The following NFAM1 variants were observed in gnomAD, a reference collection of about 807,000 sequenced individuals.
The protein encoded by NFAM1 is NFAT activation molecule 1.
NFAM1 carries 17 observed loss-of-function variants against 29.0 expected under a neutral mutation model. That is an observed-to-expected ratio of 0.59 (90% CI 0.40 to 0.88). The LOEUF (loss-of-function observed/expected upper bound fraction) is 0.88. Among genes scored for constraint, NFAM1 ranks in the 40% least tolerant of loss-of-function variants. The probability of loss-of-function intolerance (pLI) is 0.00; values close to 1 mark genes in which losing one functional copy is unlikely to be tolerated. For missense variants in NFAM1, 324 were observed against 344.6 expected, an observed-to-expected ratio of 0.94 and a Z score of 0.47; for synonymous variants, 175 against 147.2, an observed-to-expected ratio of 1.19 and a Z score of -1.36.
chr22:42,396,094 G>C (rs1929516586), intron 4 of NFAM1, among the ~76,000 whole-genome samples: 1 of 152,094 alleles, frequency 6.6e-6, no homozygotes, highest in Admixed American at 6.6e-5. Context: ...CCCAATCCCA[G>C]TTGGTAGACC....
At chr22:42,432,510 C>T (rs1204418720), upstream of NFAM1, 7 of 1,111,576 alleles carry the variant, frequency 6.3e-6, no homozygotes, top group African/African-American at 1.6e-5. Flanking sequence ...GCAGGGTGGC[C>T]GCCAGATGAG....
chr22:42,425,462 C>A (rs1013678374), intron 1 of NFAM1, among the ~76,000 whole-genome samples: 1 of 152,176 alleles, frequency 6.6e-6, no homozygotes, highest in Non-Finnish European at 1.5e-5. Flanking sequence ...CAAGATCCCT[C>A]GCCCTCCAGG....
intron 1 of NFAM1, among the ~76,000 whole-genome samples, chr22:42,416,238 A>G (rs1023097778): frequency 1.3e-5 from 2 of 152,194 alleles, no homozygotes; most frequent in Non-Finnish European, 2.9e-5. Flanking sequence ...CAGGAAGTCG[A>G]AGCAGGAGGA....
intron 1 of NFAM1, among the ~76,000 whole-genome samples, chr22:42,427,244 C>T (rs912888758): frequency 6.6e-6 from 1 of 152,182 alleles, no homozygotes; most frequent in Non-Finnish European, 1.5e-5. Context: ...ATCCTGCCTC[C>T]GGGTCCACAT....
At chr22:42,436,598 G>A (rs1272110860), upstream of NFAM1, among the ~76,000 whole-genome samples, 4 of 152,226 alleles carry the variant, frequency 2.6e-5, no homozygotes, top group Admixed American at 2.6e-4. Flanking sequence ...TGGAAGCCTG[G>A]CCTGGCTTGT....
rs1027490485 is a variant in NFAM1 at position 42,382,064 on chromosome 22, G to C, written c.*3097C>G. 6.6e-6 allele frequency: 1 copy of C among 152,296 alleles called. No individual in the cohort carries two copies. 9.4% of individuals were successfully genotyped at this position (152,296 alleles called of 1,614,324 possible). ...CTGAGACACTGAGTAGTGTTTGTTT[G>C]TTTGTTTATTTGGACAGAGCGTGCT... On this transcript the variant is annotated 3_prime_UTR_variant, in exon 6 of 6. Transcript: ENST00000329021.
chr22:42,424,210 T>C (rs1309425759), intron 1 of NFAM1, among the ~76,000 whole-genome samples: 1 of 151,914 alleles, frequency 6.6e-6, no homozygotes, highest in Non-Finnish European at 1.5e-5. Flanking sequence ...CGTCAGGAGA[T>C]TGAGACCATC....
chr22:42,424,355 C>A (rs533866476), intron 1 of NFAM1, among the ~76,000 whole-genome samples: 1 of 151,680 alleles, frequency 6.6e-6, no homozygotes, highest in African/African-American at 2.4e-5. Flanking sequence ...GCAGAGCTTG[C>A]GATGAACCGA....
chr22:42,413,234 A>G (rs1022417971), intron 1 of NFAM1, among the ~76,000 whole-genome samples: 1 of 152,144 alleles, frequency 6.6e-6, no homozygotes, highest in Non-Finnish European at 1.5e-5. Context: ...AGGAGCCGCA[A>G]GATTTATTTT....
At chr22:42,411,782 CCT>C (rs754893551) in intron 1 of NFAM1, 46 bp from the exon 2 acceptor site, 1 of 1,379,156 alleles carries the variant, frequency 7.3e-7, no homozygotes, top group South Asian at 1.2e-5. Flanking sequence ...CTTGAGGCTG[CCT>C]CAGTCCCACC....
At chr22:42,404,793 G>A (rs1929838105) in intron 3 of NFAM1, among the ~76,000 whole-genome samples, 1 of 149,354 alleles carries the variant, frequency 6.7e-6, no homozygotes, top group Non-Finnish European at 1.5e-5. Flanking sequence ...AGGCGGAGGT[G>A]CAGTGAGTCA....
chr22:42,409,326 T>G lies in NFAM1; in HGVS notation c.564+109A>C. On this transcript the variant is annotated intron_variant, in intron 3 of 5. Transcript: ENST00000329021. The surrounding 1 kb of genome is among the most constrained non-coding windows in gnomAD (Gnocchi z 4.9). The stretch of plus-strand genomic sequence containing the variant: ...GGCCACGAGGGCCACCTGTTACAGA[T>G]GTGGATGTGCCCTCACCAGGGCCCA... The G allele has an allele frequency of 1.9e-6, 1 of 527,138 alleles. No homozygotes were observed. Among genetic ancestry groups the G allele is most frequent in the Non-Finnish European group, 3.4e-6 (1 of 295,928 alleles). 32.7% of individuals were successfully genotyped at this position (527,138 alleles called of 1,614,324 possible).
chr22:42,385,393 C>A (rs1326776282), intron 5 of NFAM1, among the ~76,000 whole-genome samples, 173 bp from the exon 6 acceptor site: 1 of 151,908 alleles, frequency 6.6e-6, no homozygotes, highest in Non-Finnish European at 1.5e-5. Flanking sequence ...CTTCCCCCAC[C>A]ATGCTGCCCC....
intron 3 of NFAM1, among the ~76,000 whole-genome samples, chr22:42,400,033 T>A (rs1929675131): frequency 1.3e-5 from 2 of 152,190 alleles, no homozygotes; most frequent in Admixed American, 1.3e-4. Context: ...CTCTCTGTTC[T>A]GTACATGAGG....
rs956997690 is a variant in NFAM1 at position 42,419,208 on chromosome 22, G to A, written c.122-7472C>T. The stretch of plus-strand genomic sequence containing the variant: ...CAGACCTGCCCACCACCTGCACAAC[G>A]CCCCCATCCCTCCAACTCAACAGCT... On this transcript the variant is annotated intron_variant, in intron 1 of 5. Transcript: ENST00000329021. This position sits in a 1 kb window ranked among gnomAD's most constrained non-coding sequence, Gnocchi z 4.5. Among the ~76,000 whole-genome samples, 3 of 151,704 alleles carry A rather than the reference G, an allele frequency of 2.0e-5. No homozygotes were observed. The highest frequency in any genetic ancestry group is 7.3e-5 in the African/African-American group (3 of 41,302).
At chr22:42,405,945 G>GA (rs1338364258) in intron 3 of NFAM1, among the ~76,000 whole-genome samples, 1 of 152,154 alleles carries the variant, frequency 6.6e-6, no homozygotes, top group Non-Finnish European at 1.5e-5. Flanking sequence ...GCTCCCGGGG[G>GA]TGAAAGGCGC....
At chr22:42,385,807 G>A (rs552875451) in intron 5 of NFAM1, among the ~76,000 whole-genome samples, 20 of 152,278 alleles carry the variant, frequency 1.3e-4, no homozygotes, top group African/African-American at 4.6e-4. Flanking sequence ...GTCTAGTTGA[G>A]GGCTGAGTAT....
rs1930362560 is a variant in NFAM1 at position 42,419,436 on chromosome 22, G to A, written c.122-7700C>T. On this transcript the variant is annotated intron_variant, in intron 1 of 5. Coordinates refer to ENST00000329021, the MANE Select transcript of NFAM1 (RefSeq NM_145912.8). The surrounding 1 kb of genome is among the most constrained non-coding windows in gnomAD (Gnocchi z 4.5). ...TAGAACATGAAGCATTTCATGCGTAGTAAGGGCACTGTTTGCGACCTTCTA... is the reference window on the plus strand; with the variant it reads ...TAGAACATGAAGCATTTCATGCGTAATAAGGGCACTGTTTGCGACCTTCTA... 6.6e-6 allele frequency among the ~76,000 whole-genome samples: 1 copy of A among 152,202 alleles called. No individual in the cohort carries two copies. The highest frequency in any genetic ancestry group is 2.4e-5 in the African/African-American group (1 of 41,452).
chr22:42,402,593 C>T lies in NFAM1; in HGVS notation c.565-4637G>A, dbSNP rs145157080. Among the ~76,000 whole-genome samples, 20 of 152,210 alleles carry T rather than the reference C, an allele frequency of 1.3e-4. No homozygotes were observed. The East Asian group carries it at 2.5e-3, about 19-fold the overall frequency. The stretch of plus-strand genomic sequence containing the variant: ...GGCATGTTGTCCTGGTACCAAGAGG[C>T]GGAGTGTGCTGTGAGGCGGGAGGCC... On this transcript the variant is annotated intron_variant, in intron 3 of 5. Coordinates refer to ENST00000329021, the MANE Select transcript of NFAM1 (RefSeq NM_145912.8).
Sources: gnomAD v4.1 joint callset for allele counts (sites outside exome capture counted in the v4.1 genomes callset) on GRCh38, gnomAD v4.1.1 for gene constraint, Gnocchi (gnomAD v3.1) non-coding constraint, MANE v1.5 for transcripts, NCBI Gene and HGNC (gene_info 2026-07-23, HGNC 2026-07-21) for gene names.